Variants in PLCE1 observed in about 807,000 individuals in gnomAD.
PLCE1 encodes 1-phosphatidylinositol 4,5-bisphosphate phosphodiesterase epsilon-1.
In PLCE1, 119 loss-of-function variants were observed where a neutral mutation model predicts 242.8. The observed-to-expected ratio is 0.49, with a 90% confidence interval of 0.42 to 0.57. PLCE1 has a LOEUF of 0.57. Ranked by LOEUF, PLCE1 falls within the 20% of genes least tolerant of loss-of-function variation. PLCE1 has a pLI of 0.00. For synonymous variants in PLCE1, 945 were observed against 1,017.4 expected (o/e 0.93, Z 1.35); for missense variants, 2,441 against 2,788.8 (o/e 0.88, Z 2.81).
intron 2 of PLCE1, among the ~76,000 whole-genome samples, chr10:94,111,407 T>C (rs1282064925): frequency 2.6e-5 from 4 of 152,172 alleles, no homozygotes; most frequent in African/African-American, 9.7e-5. Context: ...GAGATGGGAA[T>C]GAAAGCAGAA....
At chr10:94,183,358 C>G (rs1400401433) in intron 4 of PLCE1, among the ~76,000 whole-genome samples, 1 of 152,078 alleles carries the variant, frequency 6.6e-6, no homozygotes, top group Admixed American at 6.5e-5. Flanking sequence ...GAATATGGCA[C>G]AGAACAACAC....
intron 3 of PLCE1, among the ~76,000 whole-genome samples, chr10:94,140,819 T>C (rs2046932325): frequency 6.6e-6 from 1 of 152,256 alleles, no homozygotes; most frequent in Non-Finnish European, 1.5e-5. Flanking sequence ...AGAAATATCC[T>C]GACTTGTTAG....
intron 2 of PLCE1, among the ~76,000 whole-genome samples, chr10:94,073,897 G>C (rs901738759): frequency 2.6e-5 from 4 of 152,256 alleles, no homozygotes; most frequent in African/African-American, 9.6e-5. Context: ...TGTTTATATA[G>C]CACAGAAGGC....
intron 4 of PLCE1, among the ~76,000 whole-genome samples, chr10:94,217,183 TA>T (rs1441819450): frequency 6.6e-6 from 1 of 151,762 alleles, no homozygotes; most frequent in Non-Finnish European, 1.5e-5. Flanking sequence ...TTCTCATCTG[TA>T]AAATGGCAGC....
chr10:94,176,249 A>C (rs974361088), intron 4 of PLCE1, among the ~76,000 whole-genome samples: 1 of 152,122 alleles, frequency 6.6e-6, no homozygotes, highest in Admixed American at 6.5e-5. Flanking sequence ...AAGTACAAAA[A>C]ATTAGCCAGG....
intron 2 of PLCE1, among the ~76,000 whole-genome samples, chr10:94,069,696 A>C (rs939706256): frequency 6.6e-6 from 1 of 152,222 alleles, no homozygotes; most frequent in Non-Finnish European, 1.5e-5. Context: ...ATTCAGGTTA[A>C]TATCCAAAGA....
chr10:94,198,215 G>T lies in PLCE1; in HGVS notation c.1809+26719G>T, dbSNP rs2048885931. On this transcript the variant is annotated intron_variant, in intron 4 of 32. Transcript: ENST00000371380. The stretch of plus-strand genomic sequence containing the variant: ...AAGAAGAGAGGGATCAGCACTTAGG[G>T]TTCCCACTCTGGTCTGGGATTATAT... 3.3e-5 allele frequency among the ~76,000 whole-genome samples: 5 copies of T among 152,246 alleles called. 1 individual carries two copies. The highest frequency in any genetic ancestry group is 1.2e-4 in the African/African-American group (5 of 41,554).
chr10:94,212,101 G>T (rs188100031), intron 4 of PLCE1, among the ~76,000 whole-genome samples: 8 of 152,286 alleles, frequency 5.3e-5, no homozygotes, highest in African/African-American at 1.9e-4. Flanking sequence ...TTATTTAGGA[G>T]ACTGAGTCTC....
At chr10:94,214,990 G>C (rs2049469815) in intron 4 of PLCE1, among the ~76,000 whole-genome samples, 1 of 152,116 alleles carries the variant, frequency 6.6e-6, no homozygotes, top group Non-Finnish European at 1.5e-5. Flanking sequence ...GCCCATTCCA[G>C]TGCAGATGAG....
chr10:94,323,819 C>T (rs936051026), intron 30 of PLCE1, among the ~76,000 whole-genome samples: 2 of 152,178 alleles, frequency 1.3e-5, no homozygotes, highest in East Asian at 3.8e-4. Flanking sequence ...TTGGCCCTCA[C>T]TAAACATTTA....
At chr10:94,106,819 C>G (rs1276733659) in intron 2 of PLCE1, among the ~76,000 whole-genome samples, 2 of 151,248 alleles carry the variant, frequency 1.3e-5, no homozygotes, top group Non-Finnish European at 2.9e-5. Flanking sequence ...CTATGCCTCT[C>G]TTTTTGCACA....
intron 3 of PLCE1, chr10:94,139,281 C>G (rs2135986190): frequency 6.5e-6 from 1 of 153,056 alleles, no homozygotes; most frequent in South Asian, 2.1e-4. Flanking sequence ...GAGACTCCAT[C>G]TCAAAAAACA....
chr10:94,113,165 G>A (rs939245984), intron 2 of PLCE1, among the ~76,000 whole-genome samples: 13 of 151,674 alleles, frequency 8.6e-5, no homozygotes, highest in Admixed American at 4.6e-4. Flanking sequence ...GGTGAAAAAA[G>A]GACCTAAAAT....
At chr10:94,207,739 T>A (rs537380641) in intron 4 of PLCE1, among the ~76,000 whole-genome samples, 15 of 152,198 alleles carry the variant, frequency 9.9e-5, no homozygotes, top group South Asian at 4.1e-4. Context: ...TAAAGATAAA[T>A]CTGAAACATC....
intron 2 of PLCE1, among the ~76,000 whole-genome samples, chr10:94,095,083 A>T (rs974536560): frequency 6.6e-6 from 1 of 152,154 alleles, no homozygotes; most frequent in East Asian, 1.9e-4. Flanking sequence ...AATCATCCTT[A>T]AAATACCTCC....
At chr10:94,037,846 C>G (rs138657516) in intron 2 of PLCE1, among the ~76,000 whole-genome samples, 1 of 152,292 alleles carries the variant, frequency 6.6e-6, no homozygotes, top group Non-Finnish European at 1.5e-5. Context: ...AACCTTGACT[C>G]TGGATTCCAG....
chr10:94,072,377 C>T (rs1294185866), intron 2 of PLCE1, among the ~76,000 whole-genome samples: 1 of 151,840 alleles, frequency 6.6e-6, no homozygotes, highest in Admixed American at 6.6e-5. Flanking sequence ...CCCAGGTTCA[C>T]GCCATTCTCC....
chr10:94,011,418 A>G (rs2061164627), intron 1 of PLCE1, among the ~76,000 whole-genome samples: 1 of 152,140 alleles, frequency 6.6e-6, no homozygotes, highest in Non-Finnish European at 1.5e-5. Flanking sequence ...TGGAGGTCAC[A>G]TTTCAACATG....
chr10:94,102,902 C>G (rs2045590806), intron 2 of PLCE1, among the ~76,000 whole-genome samples: 1 of 152,272 alleles, frequency 6.6e-6, no homozygotes, highest in African/African-American at 2.4e-5. Flanking sequence ...TAATAGGTAA[C>G]CACTCAGGCA....
Sources: gnomAD v4.1 joint callset for allele counts (sites outside exome capture counted in the v4.1 genomes callset) on GRCh38, gnomAD v4.1.1 for gene constraint, MANE v1.5 for transcripts, NCBI Gene and HGNC (gene_info 2026-07-23, HGNC 2026-07-21) for gene names.